Variants in XYLT1 observed in about 807,000 individuals in gnomAD.
XYLT1 encodes the protein xylosyltransferase 1.
XYLT1 carries 36 observed loss-of-function variants against 91.3 expected under a neutral mutation model. That is an observed-to-expected ratio of 0.39 (90% CI 0.30 to 0.52). The LOEUF is 0.52. XYLT1 is among the 20% of genes least tolerant of loss of function. XYLT1 has a pLI of 0.68. For synonymous variants in XYLT1, 588 were observed against 532.0 expected (o/e 1.11, Z -1.45); for missense variants, 1,242 against 1,284.5 (o/e 0.97, Z 0.51).
intron 1 of XYLT1, among the ~76,000 whole-genome samples, chr16:17,465,337 T>C (rs1274895641): frequency 6.6e-6 from 1 of 151,940 alleles, no homozygotes; most frequent in Non-Finnish European, 1.5e-5. Context: ...TTCACTTCTT[T>C]GAGCTTCAGT....
At chr16:17,261,882 A>T (rs2033727648) in intron 2 of XYLT1, among the ~76,000 whole-genome samples, 3 of 152,224 alleles carry the variant, frequency 2.0e-5, no homozygotes, top group African/African-American at 7.2e-5. Flanking sequence ...TGACCTATAA[A>T]TGAGGGCCTT....
In XYLT1 at chr16:17,309,505, C is replaced by T. The variant is rs111767732; in HGVS notation, c.402+48507G>A. Among the ~76,000 whole-genome samples, 453 of 152,212 alleles carry T rather than the reference C, an allele frequency of 3.0e-3. 1 individual carries two copies. The highest frequency in any genetic ancestry group is 0.01 in the African/African-American group (430 of 41,554). On this transcript the variant is annotated intron_variant, in intron 2 of 11. Coordinates refer to ENST00000261381, the MANE Select transcript of XYLT1 (RefSeq NM_022166.4). The stretch of plus-strand genomic sequence containing the variant: ...CCTGGGCTGCTTCAGCCATAATGAA[C>T]GGGTGGGAGGGAGGCTCTTCATGGA...
At chr16:17,296,577 C>T (rs949230952) in intron 2 of XYLT1, among the ~76,000 whole-genome samples, 3 of 152,144 alleles carry the variant, frequency 2.0e-5, no homozygotes, top group South Asian at 2.1e-4. Flanking sequence ...AATAAAACTG[C>T]GAGGTGAATC....
At chr16:17,368,704 C>G (rs891866884) in intron 1 of XYLT1, among the ~76,000 whole-genome samples, 2 of 151,960 alleles carry the variant, frequency 1.3e-5, no homozygotes, top group African/African-American at 4.8e-5. Flanking sequence ...TCCACCTCAC[C>G]CTCCCAAGTA....
At position 17,190,964 on chromosome 16, in the gene XYLT1, G is replaced by A. The variant is rs774567347; in HGVS notation, c.1289+7248C>T. 3.3e-5 allele frequency among the ~76,000 whole-genome samples: 5 copies of A among 152,312 alleles called. No homozygotes were observed. The South Asian group carries it at 1.0e-3, about 32-fold the overall frequency. ...TTCATCTGAAAAATGGGGATATCAA[G>A]AGTGCATACTTCAGAGTTGTTGTCA... On this transcript the variant is annotated intron_variant, in intron 5 of 11. Coordinates refer to ENST00000261381, the MANE Select transcript of XYLT1 (RefSeq NM_022166.4).
intron 6 of XYLT1, among the ~76,000 whole-genome samples, chr16:17,141,975 C>T (rs2030990868): frequency 6.6e-6 from 1 of 152,168 alleles, no homozygotes; most frequent in Admixed American, 6.5e-5. Context: ...GTGATCCTAG[C>T]TCCCCGCAGC....
chr16:17,120,359 G>A lies in XYLT1; in HGVS notation c.2224-2380C>T, dbSNP rs150278162. On this transcript the variant is annotated intron_variant, in intron 10 of 11. Coordinates refer to ENST00000261381, the MANE Select transcript of XYLT1 (RefSeq NM_022166.4). ...CTGGAGACCTTTCTGGTCTGGCTCC[G>A]GCTTCACTTCTGTCATCTCTATCCC... 5.7e-3 allele frequency among the ~76,000 whole-genome samples: 863 copies of A among 152,022 alleles called. 9 individuals are homozygous for A. Among genetic ancestry groups the A allele is most frequent in the African/African-American group, 0.019 (803 of 41,426 alleles).
At chr16:17,201,769 C>T (rs1419287686) in intron 3 of XYLT1, among the ~76,000 whole-genome samples, 2 of 152,124 alleles carry the variant, frequency 1.3e-5, no homozygotes, top group East Asian at 3.9e-4. Flanking sequence ...AGCCACTGTG[C>T]CCGGTGAGAG....
chr16:17,141,430 A>G, intron 6 of XYLT1, 61 bp from the exon 7 acceptor site: 3 of 1,525,260 alleles, frequency 2.0e-6, no homozygotes, highest in Non-Finnish European at 2.7e-6. Context: ...CTCCAGCCAG[A>G]GTCCAAATAA....
chr16:17,275,961 AG>A (rs2033966431), intron 2 of XYLT1, among the ~76,000 whole-genome samples: 1 of 152,182 alleles, frequency 6.6e-6, no homozygotes. Context: ...GACATAAATA[AG>A]GAGAGGCGCC....
At chr16:17,329,586 A>C (rs2034865504) in intron 2 of XYLT1, among the ~76,000 whole-genome samples, 1 of 152,128 alleles carries the variant, frequency 6.6e-6, no homozygotes, top group African/African-American at 2.4e-5. Flanking sequence ...GCTGGTAGAC[A>C]GACATCACTA....
At chr16:17,276,716 G>A (rs1478648732) in intron 2 of XYLT1, among the ~76,000 whole-genome samples, 3 of 152,256 alleles carry the variant, frequency 2.0e-5, no homozygotes, top group Non-Finnish European at 2.9e-5. Flanking sequence ...ACCAGGACAC[G>A]ATGGGCACCG....
intron 2 of XYLT1, among the ~76,000 whole-genome samples, chr16:17,300,177 G>A (rs1450866046): frequency 2.0e-5 from 3 of 152,194 alleles, no homozygotes; most frequent in East Asian, 3.9e-4. Context: ...GGATGGCTCC[G>A]TAAGAATCTT....
intron 1 of XYLT1, among the ~76,000 whole-genome samples, chr16:17,378,451 A>G (rs2035630133): frequency 1.3e-5 from 2 of 152,220 alleles, no homozygotes; most frequent in South Asian, 4.1e-4. Context: ...TCACCAGTCA[A>G]TGGATATTTC....
chr16:17,358,039 T>C lies in XYLT1; in HGVS notation c.375A>G (p.Pro125=). ...ALPARALDPH[P]SPLITLETQD... ...GAGTCTCCAGGGTGATGAGCGGACTTGGGTGTGGATCCTGTAGGATGAAAG... is the reference window on the plus strand; with the variant it reads ...GAGTCTCCAGGGTGATGAGCGGACTCGGGTGTGGATCCTGTAGGATGAAAG... Residue 125 remains proline, a synonymous_variant, in exon 2 of 12, where the codon CCA becomes CCG. Coordinates refer to ENST00000261381, the MANE Select transcript of XYLT1 (RefSeq NM_022166.4). 6.2e-7 allele frequency: 1 copy of C among 1,613,554 alleles called. No homozygotes were observed. Among genetic ancestry groups the C allele is most frequent in the Non-Finnish European group, 8.5e-7 (1 of 1,179,728 alleles).
Position 17,138,467 on chromosome 16 carries a change from C to CGCAGGTTG in XYLT1, c.1644_1651dup (p.Arg551ProfsTer57). ...CAGCTTGCGATTCCAGTTGGTGATGCGCAGGTTGTTGTCCACCATGGTGTC... is the reference window on the plus strand; with the variant it reads ...CAGCTTGCGATTCCAGTTGGTGATGCGCAGGTTGGCAGGTTGTTGTCCACCATGGTGTC... On this transcript the variant is annotated frameshift_variant, in exon 8 of 12. Coordinates refer to ENST00000261381, the MANE Select transcript of XYLT1 (RefSeq NM_022166.4). LOFTEE classifies it high-confidence loss of function. 6.2e-7 allele frequency: 1 copy of CGCAGGTTG among 1,614,134 alleles called. No individual in the cohort carries two copies. Among genetic ancestry groups the CGCAGGTTG allele is most frequent in the Non-Finnish European group, 8.5e-7 (1 of 1,180,028 alleles).
At chr16:17,368,419 T>C (rs533216942) in intron 1 of XYLT1, among the ~76,000 whole-genome samples, 1 of 152,204 alleles carries the variant, frequency 6.6e-6, no homozygotes, top group Non-Finnish European at 1.5e-5. Flanking sequence ...ACAGCCTTGA[T>C]GACAGCGCCC....
At chr16:17,331,545 G>A (rs2034899392) in intron 2 of XYLT1, among the ~76,000 whole-genome samples, 1 of 152,210 alleles carries the variant, frequency 6.6e-6, no homozygotes, top group African/African-American at 2.4e-5. Context: ...GGTTGCGGTT[G>A]TACTGCTGTT....
At chr16:17,146,029 TGAG>T (rs1199346191) in intron 6 of XYLT1, among the ~76,000 whole-genome samples, 1 of 152,242 alleles carries the variant, frequency 6.6e-6, no homozygotes, top group Non-Finnish European at 1.5e-5. Context: ...TCTACTGTGA[TGAG>T]GAGACTTCAG....
Sources: allele counts gnomAD v4.1 joint callset (sites outside exome capture counted in the v4.1 genomes callset), GRCh38; gene constraint gnomAD v4.1.1; transcripts MANE v1.5; gene names NCBI Gene and HGNC (gene_info 2026-07-23, HGNC 2026-07-21).